The following RILPL2 variants were observed in gnomAD, a reference collection of about 807,000 sequenced individuals.
RILPL2 encodes Rab interacting lysosomal protein like 2.
A neutral mutation model predicts 22.2 loss-of-function variants in RILPL2; 19 were observed. The observed-to-expected ratio is 0.86, with a 90% CI of 0.60 to 1.25. The LOEUF is 1.25. Ranked by LOEUF, RILPL2 falls within the 50% of genes most tolerant of loss-of-function variation. The pLI is 0.00. For missense variants in RILPL2, 243 were observed against 263.6 expected, an observed-to-expected ratio of 0.92 and a Z score of 0.54; for synonymous variants, 123 against 111.6, an observed-to-expected ratio of 1.10 and a Z score of -0.64.
At chr12:123,420,770 A>G (rs1254519181) in intron 3 of RILPL2, among the ~76,000 whole-genome samples, 5 of 152,058 alleles carry the variant, frequency 3.3e-5, no homozygotes, top group African/African-American at 7.2e-5. Context: ...CCTGAGCATC[A>G]CCATGTGCAG....
At chr12:123,411,047 T>A (rs930778274), downstream of RILPL2, 9 of 138,650 alleles carry the variant, frequency 6.5e-5, no homozygotes, top group African/African-American at 2.3e-4. Flanking sequence ...TATTTATTTA[T>A]TTTTTTTTTG....
chr12:123,416,446 T>G (rs1469221771), intron 3 of RILPL2, among the ~76,000 whole-genome samples: 1 of 152,146 alleles, frequency 6.6e-6, no homozygotes. Flanking sequence ...GAGACCATCC[T>G]GGCTCACACG....
At chr12:123,432,324 G>A (rs1879676048) in intron 1 of RILPL2, among the ~76,000 whole-genome samples, 1 of 152,144 alleles carries the variant, frequency 6.6e-6, no homozygotes, top group African/African-American at 2.4e-5. Flanking sequence ...TGGACAACAT[G>A]GGAAACCTCA....
rs567564352 is a variant in RILPL2, at chr12:123,426,412, C to CA, written c.492-3256dup. Among the ~76,000 whole-genome samples the CA allele has an allele frequency of 2.7e-4, 41 of 152,266 alleles. 2 individuals are homozygous for CA. In the South Asian group the frequency reaches 8.5e-3, roughly 32 times the overall value. ...AGGTGATCCACCCACGTTGTCCTCCCAAAGTGTTGGGATTACAGGTGTGAG... is the reference window on the plus strand; with the variant it reads ...AGGTGATCCACCCACGTTGTCCTCCCAAAAGTGTTGGGATTACAGGTGTGAG... On this transcript the variant is annotated intron_variant, in intron 2 of 3. Transcript: ENST00000280571.
At chr12:123,416,507 C>T (rs556532623) in intron 3 of RILPL2, among the ~76,000 whole-genome samples, 23 of 151,214 alleles carry the variant, frequency 1.5e-4, no homozygotes, top group African/African-American at 4.9e-4. Context: ...GGTGTGGTGG[C>T]GGGCGCCTGT....
intron 3 of RILPL2, among the ~76,000 whole-genome samples, chr12:123,417,488 G>C (rs1879149442): frequency 6.6e-6 from 1 of 152,024 alleles, no homozygotes; most frequent in Admixed American, 6.6e-5. Context: ...GCACCAGAAA[G>C]AATCCACGTG....
chr12:123,432,052 G>A (rs1879668529), intron 1 of RILPL2, among the ~76,000 whole-genome samples: 1 of 151,644 alleles, frequency 6.6e-6, no homozygotes, highest in African/African-American at 2.4e-5. Context: ...CTGCCACCAA[G>A]CCCAGCTAAT....
chr12:123,426,792 C>T (rs1216586446), intron 2 of RILPL2, among the ~76,000 whole-genome samples: 8 of 151,260 alleles, frequency 5.3e-5, no homozygotes, highest in East Asian at 3.9e-4. Flanking sequence ...TTAGTAGAGA[C>T]GGGGTTTCAC....
Position 123,415,052 on chromosome 12 carries a change from T to G in RILPL2, c.*839A>C, listed in dbSNP as rs1879076903. 1 of 152,126 alleles carries G rather than the reference T, an allele frequency of 6.6e-6. No individual in the cohort carries two copies. Among genetic ancestry groups the G allele is most frequent in the East Asian group, 1.9e-4 (1 of 5,180 alleles). 9.4% of individuals were successfully genotyped at this position (152,126 alleles called of 1,614,324 possible). A position where few individuals can be genotyped will look rare whatever the true frequency, so the allele number is the denominator to read the frequency against. ...AGGCGAAACACATTGAGTAAGCCAC[T>G]GTTATTTACTAAGAAGACAGGCTCA... is the stretch of plus-strand genomic sequence containing the variant. On this transcript the variant is annotated 3_prime_UTR_variant, in exon 4 of 4. Coordinates refer to ENST00000280571, the MANE Select transcript of RILPL2 (RefSeq NM_145058.3).
intron 3 of RILPL2, among the ~76,000 whole-genome samples, chr12:123,420,002 T>C (rs1453991208): frequency 1.3e-5 from 2 of 149,188 alleles, no homozygotes; most frequent in Non-Finnish European, 3.0e-5. Flanking sequence ...ATTTTTGTAT[T>C]TTTAGTAGAG....
At chr12:123,413,293 G>A (rs184392026), downstream of RILPL2, 33 of 174,088 alleles carry the variant, frequency 1.9e-4, no homozygotes, top group South Asian at 4.1e-3. Context: ...CTTCAAGAAT[G>A]AAGCCGCGGA....
At chr12:123,432,535 A>G (rs1879681478) in intron 1 of RILPL2, among the ~76,000 whole-genome samples, 1 of 152,280 alleles carries the variant, frequency 6.6e-6, no homozygotes, top group African/African-American at 2.4e-5. Context: ...AACAAGGCAT[A>G]TTTTTGTAAA....
chr12:123,410,186 TAGTA>T (rs1473581731), downstream of RILPL2, among the ~76,000 whole-genome samples: 4 of 152,222 alleles, frequency 2.6e-5, no homozygotes, highest in Non-Finnish European at 4.4e-5. Context: ...CAATGGCACA[TAGTA>T]AGCATCATAA....
chr12:123,436,173 C>G lies in RILPL2; in HGVS notation c.248G>C (p.Ser83Thr). The change falls in exon 1 of 4, where the codon AGC becomes ACC. Residue 83 changes from serine (S) to threonine (T), a missense_variant. Ser to Thr is a moderately conservative substitution (Grantham distance 58, BLOSUM62 1). Coordinates refer to ENST00000280571, the MANE Select transcript of RILPL2 (RefSeq NM_145058.3). The surrounding 1 kb of genome is among the most constrained non-coding windows in gnomAD (Gnocchi z 6.7). The part of the protein sequence containing the change: ...EMLEALVNEG[S>T]LALEELKMER... The stretch of plus-strand genomic sequence containing the variant: ...CATCTTCAGCTCCTCCAGCGCCAGG[C>G]TGCCCTCATTCACCAGCGCCTCCAG... 1 of 1,610,062 alleles carries G rather than the reference C, an allele frequency of 6.2e-7. No individual in the cohort carries two copies. Among genetic ancestry groups the G allele is most frequent in the Non-Finnish European group, 8.5e-7 (1 of 1,178,440 alleles).
At chr12:123,422,860 A>G (rs1313385263) in intron 3 of RILPL2, among the ~76,000 whole-genome samples, 184 bp downstream of exon 3, 1 of 152,192 alleles carries the variant, frequency 6.6e-6, no homozygotes, top group East Asian at 1.9e-4. Context: ...CCAAGTGCCT[A>G]GGCTACTGCC....
At position 123,415,817 on chromosome 12, in the gene RILPL2, G is replaced by C. The variant is rs1372961949; in HGVS notation, c.*74C>G. On this transcript the variant is annotated 3_prime_UTR_variant, in exon 4 of 4. Coordinates refer to ENST00000280571, the MANE Select transcript of RILPL2 (RefSeq NM_145058.3). ...GCCTAGTGTGTCTGTGTGGCACAGGGAGGTGGTTTTGCCAGGCATCTTGGA... is the reference window on the plus strand; with the variant it reads ...GCCTAGTGTGTCTGTGTGGCACAGGCAGGTGGTTTTGCCAGGCATCTTGGA... The C allele has an allele frequency of 1.4e-6, 2 of 1,391,122 alleles. No individual in the cohort carries two copies. The highest frequency in any genetic ancestry group is 4.6e-5 in the East Asian group (2 of 43,856). 86.2% of individuals were successfully genotyped at this position (1,391,122 alleles called of 1,614,324 possible).
At chr12:123,411,738 C>G (rs768436275), downstream of RILPL2, 2 of 151,522 alleles carry the variant, frequency 1.3e-5, no homozygotes, top group Non-Finnish European at 2.9e-5. Flanking sequence ...CTTGGCCAGG[C>G]TGGTCTCGAA....
At chr12:123,418,756 C>CTTTTTT (rs1202023726) in intron 3 of RILPL2, among the ~76,000 whole-genome samples, 43 of 96,238 alleles carry the variant, frequency 4.5e-4, no homozygotes, top group African/African-American at 5.3e-4. Flanking sequence ...CTTTTTCTTT[C>CTTTTTT]TTTTTTTTTT....
In RILPL2 at chr12:123,436,209, A is replaced by C. The variant is rs1249953217; in HGVS notation, c.212T>G (p.Val71Gly). Residue 71 changes from valine (V) to glycine (G), a missense_variant, in exon 1 of 4, where the codon GTC (valine) becomes GGC (glycine). Coordinates refer to ENST00000280571, the MANE Select transcript of RILPL2 (RefSeq NM_145058.3). This position sits in a 1 kb window ranked among gnomAD's most constrained non-coding sequence, Gnocchi z 6.7. ...CACCAGCGCCTCCAGCATCTCCAGG[A>C]CGCGGACGACTTTGAACTGCAGCTG... ...VTQLQFKVVRVLEMLEALVNE... is the reference protein window; with the variant it reads ...VTQLQFKVVRGLEMLEALVNE... The C allele has an allele frequency of 2.5e-6, 4 of 1,612,380 alleles. No individual in the cohort carries two copies. The highest frequency in any genetic ancestry group is 2.5e-6 in the Non-Finnish European group (3 of 1,179,404).
Sources: gnomAD v4.1 joint callset for allele counts (sites outside exome capture counted in the v4.1 genomes callset) on GRCh38, gnomAD v4.1.1 for gene constraint, Gnocchi (gnomAD v3.1) non-coding constraint, MANE v1.5 for transcripts, NCBI Gene and HGNC (gene_info 2026-07-23, HGNC 2026-07-21) for gene names.